Variants in RNGTT observed in about 807,000 individuals in gnomAD.
The protein encoded by RNGTT is RNA guanylyltransferase and 5'-phosphatase.
RNGTT carries 33 observed loss-of-function variants against 79.3 expected under a neutral mutation model. That is an observed-to-expected ratio of 0.42 (90% CI 0.32 to 0.56). The LOEUF is 0.56. Among genes scored for constraint, RNGTT ranks in the 20% least tolerant of loss-of-function variants. The probability of loss-of-function intolerance (pLI) is 0.17; values close to 1 mark genes in which losing one functional copy is unlikely to be tolerated. For synonymous variants in RNGTT, 222 were observed against 235.9 expected, an observed-to-expected ratio of 0.94 and a Z score of 0.54; for missense variants, 497 against 739.1, an observed-to-expected ratio of 0.67 and a Z score of 3.80.
intron 14 of RNGTT, among the ~76,000 whole-genome samples, chr6:88,673,055 T>A (rs1774717364): frequency 6.6e-6 from 1 of 152,204 alleles, no homozygotes; most frequent in African/African-American, 2.4e-5. Context: ...CTTTCTGACC[T>A]TTATAAAATG....
At chr6:88,760,952 C>T (rs150195277) in intron 13 of RNGTT, among the ~76,000 whole-genome samples, 1 of 150,268 alleles carries the variant, frequency 6.7e-6, no homozygotes, top group African/African-American at 2.5e-5. Flanking sequence ...TCAAGCAATC[C>T]TCCTGCCTCA....
At chr6:88,761,113 G>A (rs913520376) in intron 13 of RNGTT, among the ~76,000 whole-genome samples, 5 of 151,458 alleles carry the variant, frequency 3.3e-5, no homozygotes, top group African/African-American at 1.2e-4. Flanking sequence ...AGACCATGCA[G>A]TCAATTCTAT....
At chr6:88,631,499 T>C (rs186429664) in intron 14 of RNGTT, among the ~76,000 whole-genome samples, 3 of 152,322 alleles carry the variant, frequency 2.0e-5, no homozygotes, top group East Asian at 1.9e-4. Flanking sequence ...GGAGCACTTA[T>C]ATGCAGATCC....
At chr6:88,794,815 T>C (rs369670848) in intron 12 of RNGTT, among the ~76,000 whole-genome samples, 6 of 152,318 alleles carry the variant, frequency 3.9e-5, no homozygotes, top group East Asian at 1.9e-4. Flanking sequence ...AGAGAAAAGA[T>C]AGAAAAAGAT....
Position 88,884,431 on chromosome 6 carries a change from A to G in RNGTT, c.896+6064T>C, listed in dbSNP as rs182259981. Reference sequence around the variant, plus strand: ...AGTGTATGGTATCTTTCCTAAAAGAAAGGGGAAAAAGAAAAGTGCATCTGC... The same window carrying G: ...AGTGTATGGTATCTTTCCTAAAAGAGAGGGGAAAAAGAAAAGTGCATCTGC... On this transcript the variant is annotated intron_variant, in intron 8 of 15. Transcript: ENST00000369485. Among the ~76,000 whole-genome samples the G allele has an allele frequency of 1.2e-4, 19 of 152,304 alleles. No individual in the cohort carries two copies. In the East Asian group the frequency reaches 3.3e-3, roughly 26 times the overall value.
intron 8 of RNGTT, among the ~76,000 whole-genome samples, chr6:88,865,068 G>A (rs1000282102): frequency 4.6e-5 from 7 of 151,936 alleles, no homozygotes; most frequent in East Asian, 3.9e-4. Flanking sequence ...TTTTTAAATG[G>A]TTAAAATGTA....
At position 88,610,440 on chromosome 6, in the gene RNGTT, A is replaced by G. The variant is rs1435738498; in HGVS notation, c.*2279T>C. On this transcript the variant is annotated 3_prime_UTR_variant, in exon 16 of 16. Coordinates refer to ENST00000369485, the MANE Select transcript of RNGTT (RefSeq NM_003800.5). Reference sequence around the variant, plus strand: ...AAAAGCTTTCACATGTGATAACTGAAGAAAGCAAAGTTTTCTTATTCTTGT... The same window carrying G: ...AAAAGCTTTCACATGTGATAACTGAGGAAAGCAAAGTTTTCTTATTCTTGT... 1 of 152,574 alleles carries G rather than the reference A, an allele frequency of 6.6e-6. No homozygotes were observed. The highest frequency in any genetic ancestry group is 1.5e-5 in the Non-Finnish European group (1 of 68,040). The allele number at this position is 152,574 out of a possible 1,614,324, so 9.5% of individuals were successfully genotyped here. A position where few individuals can be genotyped will look rare whatever the true frequency, so the allele number is the denominator to read the frequency against.
intron 4 of RNGTT, among the ~76,000 whole-genome samples, chr6:88,916,063 C>G (rs186950705): frequency 2.6e-5 from 4 of 152,214 alleles, no homozygotes; most frequent in Non-Finnish European, 5.9e-5. Flanking sequence ...ACAATGAGAT[C>G]CTAGTATACA....
At position 88,948,509 on chromosome 6, in the gene RNGTT, G is replaced by A. The variant is rs1485666568; in HGVS notation, c.65-7329C>T. Among the ~76,000 whole-genome samples the A allele has an allele frequency of 4.8e-5, 7 of 146,416 alleles. No homozygotes were observed. The East Asian group carries it at 8.5e-4, about 18-fold the overall frequency. On this transcript the variant is annotated intron_variant, in intron 1 of 15. Transcript: ENST00000369485. The stretch of plus-strand genomic sequence containing the variant: ...AGGTGGGGGGGTCAGCCCCCCGCCC[G>A]GCCGGCCGCCCCGTCCGGGAGGTGA...
chr6:88,658,800 G>A (rs1429101011), intron 14 of RNGTT, among the ~76,000 whole-genome samples: 2 of 152,192 alleles, frequency 1.3e-5, no homozygotes, highest in Non-Finnish European at 2.9e-5. Context: ...TCCTGTGCTG[G>A]ATGCTTCCTG....
At chr6:88,677,621 G>A (rs1029803116) in intron 14 of RNGTT, among the ~76,000 whole-genome samples, 10 of 151,670 alleles carry the variant, frequency 6.6e-5, no homozygotes, top group Admixed American at 1.3e-4. Flanking sequence ...CATGGCCAGC[G>A]AAATTTTTTT....
chr6:88,739,767 A>G (rs1452854708), intron 13 of RNGTT, among the ~76,000 whole-genome samples: 7 of 61,098 alleles, frequency 1.1e-4, no homozygotes, highest in Non-Finnish European at 2.6e-4. Flanking sequence ...ATATATATAT[A>G]TATATATATA....
chr6:88,874,027 T>C (rs1161342953), intron 8 of RNGTT, among the ~76,000 whole-genome samples: 1 of 152,146 alleles, frequency 6.6e-6, no homozygotes, highest in Non-Finnish European at 1.5e-5. Context: ...CAGTTCTGTA[T>C]ATAAGAAGCC....
intron 14 of RNGTT, among the ~76,000 whole-genome samples, chr6:88,633,496 T>C (rs957475234): frequency 8.5e-5 from 13 of 152,198 alleles, no homozygotes; most frequent in Non-Finnish European, 1.5e-4. Flanking sequence ...GCTTCATTGA[T>C]AAGAATATCT....
intron 14 of RNGTT, among the ~76,000 whole-genome samples, chr6:88,622,732 T>G (rs531662102): frequency 1.3e-5 from 2 of 152,092 alleles, no homozygotes; most frequent in African/African-American, 2.4e-5. Flanking sequence ...ACCATCTACA[T>G]GTGAATAACT....
intron 13 of RNGTT, among the ~76,000 whole-genome samples, chr6:88,680,117 C>T (rs192231933): frequency 5.5e-4 from 84 of 152,244 alleles, no homozygotes; most frequent in Admixed American, 2.6e-4. Flanking sequence ...TCAAAAAGTT[C>T]TCGGCATGCC....
intron 4 of RNGTT, among the ~76,000 whole-genome samples, chr6:88,916,606 C>T (rs992271056): frequency 5.3e-5 from 8 of 152,184 alleles, no homozygotes; most frequent in African/African-American, 1.9e-4. Flanking sequence ...GTATTAATAA[C>T]ATAATCCAAA....
chr6:88,659,757 G>A (rs1774113639), intron 14 of RNGTT, among the ~76,000 whole-genome samples: 2 of 152,180 alleles, frequency 1.3e-5, no homozygotes, highest in African/African-American at 4.8e-5. Flanking sequence ...AAACTTCCCT[G>A]GTCTTGCTAG....
At chr6:88,793,992 T>G (rs947214213) in intron 12 of RNGTT, among the ~76,000 whole-genome samples, 2 of 152,228 alleles carry the variant, frequency 1.3e-5, no homozygotes, top group African/African-American at 4.8e-5. Flanking sequence ...TAGTAAATTT[T>G]CACCAGGTTA....
Sources: gnomAD v4.1 joint callset for allele counts (sites outside exome capture counted in the v4.1 genomes callset) on GRCh38, gnomAD v4.1.1 for gene constraint, MANE v1.5 for transcripts, NCBI Gene and HGNC (gene_info 2026-07-23, HGNC 2026-07-21) for gene names.